Variants in SNX10 observed in about 807,000 individuals in gnomAD.
SNX10 encodes the protein sorting nexin-10.
Under a neutral mutation model 28.5 loss-of-function variants are expected in SNX10, and 25 were observed. The ratio of observed to expected loss-of-function variants is 0.88; its 90% CI spans 0.64 to 1.22. The LOEUF (loss-of-function observed/expected upper bound fraction) is 1.22. Ranked by LOEUF, SNX10 falls within the 50% of genes most tolerant of loss-of-function variation. SNX10 has a pLI of 0.00. For missense variants in SNX10, 223 were observed against 242.6 expected (o/e 0.92, Z 0.54); for synonymous variants, 62 against 81.4 (o/e 0.76, Z 1.28).
intron 1 of SNX10, among the ~76,000 whole-genome samples, chr7:26,321,059 C>T (rs1210405900): frequency 6.6e-6 from 1 of 152,192 alleles, no homozygotes; most frequent in African/African-American, 2.4e-5. Context: ...GGTAGGGATG[C>T]TGAGCCAAAG....
chr7:26,359,865 C>T lies in SNX10; in HGVS notation c.25-1110C>T, dbSNP rs1313541299. 4.6e-5 allele frequency among the ~76,000 whole-genome samples: 7 copies of T among 152,216 alleles called. No individual in the cohort carries two copies. The East Asian group carries it at 1.4e-3, about 29-fold the overall frequency. ...TAGAGACAGTGTTTCACCATGTTGG[C>T]CAGGATGGGCTCAATCTCTTGACCT... is the stretch of plus-strand genomic sequence containing the variant. On this transcript the variant is annotated intron_variant, in intron 2 of 6. Coordinates refer to ENST00000338523, the MANE Select transcript of SNX10 (RefSeq NM_013322.3).
At chr7:26,328,337 G>C (rs1787585133) in intron 1 of SNX10, among the ~76,000 whole-genome samples, 1 of 152,190 alleles carries the variant, frequency 6.6e-6, no homozygotes, top group Non-Finnish European at 1.5e-5. Context: ...GAAGATAGTA[G>C]AATTGTCTAG....
intron 1 of SNX10, among the ~76,000 whole-genome samples, chr7:26,341,356 G>A (rs1788169620): frequency 1.3e-5 from 2 of 152,118 alleles, no homozygotes; most frequent in Admixed American, 6.6e-5. Flanking sequence ...GAAGGAGAAT[G>A]GGTGGCCATC....
chr7:26,353,289 TAAAG>T (rs947584985), intron 2 of SNX10, among the ~76,000 whole-genome samples: 4 of 152,182 alleles, frequency 2.6e-5, no homozygotes, highest in Admixed American at 6.5e-5. Flanking sequence ...TATTAGGAAA[TAAAG>T]AAAGGTTGCT....
chr7:26,309,368 CAA>C (rs66530736), intron 1 of SNX10, among the ~76,000 whole-genome samples: 1,796 of 140,280 alleles, frequency 0.013, 15 homozygotes, highest in Non-Finnish European at 0.017. Flanking sequence ...CTTAATCATC[CAA>C]AAAAAAAAAA....
In SNX10 at chr7:26,373,579, C is replaced by T. The variant is rs1789659514; in HGVS notation, c.*1007C>T. On this transcript the variant is annotated 3_prime_UTR_variant, in exon 7 of 7. Transcript: ENST00000338523. This position sits in a 1 kb window ranked among gnomAD's most constrained non-coding sequence, Gnocchi z 4.2. ...TCTACTTGAAGATTGGTATAATTTT[C>T]ATAAAATGTCTTTTTTTTTAGTGTC... 1 of 151,886 alleles carries T rather than the reference C, an allele frequency of 6.6e-6. No individual in the cohort carries two copies. The highest frequency in any genetic ancestry group is 1.5e-5 in the Non-Finnish European group (1 of 67,862). The allele number at this position is 151,886 out of a possible 1,614,324, so 9.4% of individuals were successfully genotyped here.
chr7:26,354,714 A>G (rs1378506008), intron 2 of SNX10, among the ~76,000 whole-genome samples: 1 of 151,906 alleles, frequency 6.6e-6, no homozygotes, highest in African/African-American at 2.4e-5. Context: ...TATATTCTAG[A>G]TGCAAGTCCT....
chr7:26,364,095 T>A lies in SNX10; in HGVS notation c.112-440T>A, dbSNP rs1789195363. ...GTGGCCATGTCAAGGAGATGAAGAT[T>A]TCTGCAATGTCTCATAAAGGGTCAT... On this transcript the variant is annotated intron_variant, in intron 3 of 6. Coordinates refer to ENST00000338523, the MANE Select transcript of SNX10 (RefSeq NM_013322.3). The surrounding 1 kb of genome is among the most constrained non-coding windows in gnomAD (Gnocchi z 4.9). 6.6e-6 allele frequency among the ~76,000 whole-genome samples: 1 copy of A among 152,158 alleles called. No individual in the cohort carries two copies. Among genetic ancestry groups the A allele is most frequent in the African/African-American group, 2.4e-5 (1 of 41,420 alleles).
At chr7:26,311,038 G>C (rs991554385) in intron 1 of SNX10, among the ~76,000 whole-genome samples, 4 of 152,204 alleles carry the variant, frequency 2.6e-5, no homozygotes, top group South Asian at 4.1e-4. Flanking sequence ...GGAGTGTACA[G>C]AAGAGCTTGG....
chr7:26,354,170 T>A (rs1268188320), intron 2 of SNX10: 3 of 152,186 alleles, frequency 2.0e-5, no homozygotes, highest in Non-Finnish European at 4.4e-5. Flanking sequence ...ATAATCCCCC[T>A]GGAAACTGTA....
At position 26,372,674 on chromosome 7, in the gene SNX10, G is replaced by A. The variant is rs532737816; in HGVS notation, c.*102G>A. 1.8e-5 allele frequency: 13 copies of A among 715,650 alleles called. No homozygotes were observed. The East Asian group carries it at 3.3e-4, about 18-fold the overall frequency. 44.3% of individuals were successfully genotyped at this position (715,650 alleles called of 1,614,324 possible). A position where few individuals can be genotyped will look rare whatever the true frequency, so the allele number is the denominator to read the frequency against. On this transcript the variant is annotated 3_prime_UTR_variant, in exon 7 of 7. Coordinates refer to ENST00000338523, the MANE Select transcript of SNX10 (RefSeq NM_013322.3). Reference sequence around the variant, plus strand: ...ATTCTTACCTAAAGCTCACTGTCATGATGTTAGGTATTTAAATTCTTAAAG... The same window carrying A: ...ATTCTTACCTAAAGCTCACTGTCATAATGTTAGGTATTTAAATTCTTAAAG...
At chr7:26,335,966 C>T (rs1384138924) in intron 1 of SNX10, among the ~76,000 whole-genome samples, 10 of 151,712 alleles carry the variant, frequency 6.6e-5, no homozygotes, top group East Asian at 3.9e-4. Context: ...CTCCTGACCT[C>T]GTGATCCGCC....
At chr7:26,301,299 A>G (rs968710527) in intron 1 of SNX10, among the ~76,000 whole-genome samples, 1 of 152,176 alleles carries the variant, frequency 6.6e-6, no homozygotes, top group African/African-American at 2.4e-5. Flanking sequence ...CAGAATTTAT[A>G]ATGAACTACA....
In SNX10 at chr7:26,351,648, TTTTTTTTTTTG is replaced by T. The variant is rs1177461899; in HGVS notation, c.24+5193_24+5203del. 3.1e-4 allele frequency among the ~76,000 whole-genome samples: 26 copies of T among 83,512 alleles called. 1 individual carries two copies. The highest frequency in any genetic ancestry group is 1.3e-4 in the Admixed American group (1 of 7,640). The allele number at this position is 83,512 out of a possible 152,430, so 54.8% of individuals were successfully genotyped here. On this transcript the variant is annotated intron_variant, in intron 2 of 6. Transcript: ENST00000338523. ...AACTAAAGCAATCAAGCAGTCTGGT[TTTTTTTTTTTG>T]TTTTTTTTTTTTTTTGAGACCGAGT... is the stretch of plus-strand genomic sequence containing the variant.
chr7:26,346,157 G>T (rs1442896426), intron 1 of SNX10, among the ~76,000 whole-genome samples: 1 of 152,156 alleles, frequency 6.6e-6, no homozygotes, highest in Non-Finnish European at 1.5e-5. Context: ...AGCCTGACTG[G>T]CTGGCCTTGC....
chr7:26,336,667 C>G (rs569948021), intron 1 of SNX10, among the ~76,000 whole-genome samples: 1 of 152,086 alleles, frequency 6.6e-6, no homozygotes, highest in Non-Finnish European at 1.5e-5. Context: ...ATTGTGCCAC[C>G]GCACTCCAGC....
At chr7:26,312,823 G>A (rs1371268991) in intron 1 of SNX10, among the ~76,000 whole-genome samples, 1 of 151,976 alleles carries the variant, frequency 6.6e-6, no homozygotes, top group East Asian at 1.9e-4. Flanking sequence ...CATGAAAAAT[G>A]CTTGCTCTTA....
At position 26,313,084 on chromosome 7, in the gene SNX10, C is replaced by T. The variant is rs754352561; in HGVS notation, c.-24+20998C>T. On this transcript the variant is annotated intron_variant, in intron 1 of 6. Coordinates refer to ENST00000338523, the MANE Select transcript of SNX10 (RefSeq NM_013322.3). ...TTACTGCGTACTGTTCATAGTAGCA[C>T]GAGAATGTCTTATCAGTGGGTGCTG... 4.6e-5 allele frequency among the ~76,000 whole-genome samples: 7 copies of T among 152,198 alleles called. No homozygotes were observed. In the East Asian group the frequency reaches 5.8e-4, roughly 13 times the overall value.
intron 5 of SNX10, among the ~76,000 whole-genome samples, chr7:26,367,048 T>C (rs1789319634): frequency 6.6e-6 from 1 of 152,150 alleles, no homozygotes. Context: ...TCTAGCTGCA[T>C]GTGAGCCTTG....
Sources: allele counts gnomAD v4.1 joint callset (sites outside exome capture counted in the v4.1 genomes callset), GRCh38; gene constraint gnomAD v4.1.1; non-coding constraint Gnocchi (gnomAD v3.1); transcripts MANE v1.5; gene names NCBI Gene and HGNC (gene_info 2026-07-23, HGNC 2026-07-21).